Variants in STK32C observed in about 807,000 individuals in gnomAD.
The protein encoded by STK32C is serine/threonine-protein kinase 32C.
STK32C carries 31 observed loss-of-function variants against 56.5 expected under a neutral mutation model. The ratio of observed to expected loss-of-function variants is 0.55; its 90% CI spans 0.41 to 0.74. The LOEUF (loss-of-function observed/expected upper bound fraction) is 0.74. Among genes scored for constraint, STK32C ranks in the 30% least tolerant of loss-of-function variants. The pLI is 0.00. For missense variants in STK32C, 544 were observed against 676.9 expected (o/e 0.80, Z 2.18); for synonymous variants, 309 against 289.4 (o/e 1.07, Z -0.69).
intron 2 of STK32C, among the ~76,000 whole-genome samples, chr10:132,241,924 T>C (rs79182048): frequency 3.9e-5 from 6 of 151,998 alleles, no homozygotes; most frequent in Admixed American, 1.3e-4. Context: ...CTGGAGAACA[T>C]AGCGAAACCC....
chr10:132,318,140 C>T (rs1284955053), intron 1 of STK32C, among the ~76,000 whole-genome samples: 2 of 150,698 alleles, frequency 1.3e-5, no homozygotes, highest in Admixed American at 6.6e-5. Context: ...TGGTGGCAGG[C>T]GCCTGTAGTC....
At position 132,236,268 on chromosome 10, in the gene STK32C, C is replaced by A. The variant is rs1158817883; in HGVS notation, c.319-8140G>T. ...GACGTGGTCAATGCTGGGACCTGGG[C>A]TCTGGGCCCACGCGGAGGCCCGACT... On this transcript the variant is annotated intron_variant, in intron 2 of 11. Transcript: ENST00000298630. Among the ~76,000 whole-genome samples the A allele has an allele frequency of 2.0e-5, 3 of 152,260 alleles. No individual in the cohort carries two copies. In the East Asian group the frequency reaches 5.8e-4, roughly 29 times the overall value.
At chr10:132,231,884 T>TCCTCCCACGGAGCCGCCCAGAGGGC in intron 2 of STK32C, among the ~76,000 whole-genome samples, 1 of 152,236 alleles carries the variant, frequency 6.6e-6, no homozygotes, top group South Asian at 2.1e-4. Flanking sequence ...GCACAGCGGG[T>TCCTCCCACGGAGCCGCCCAGAGGGC]CCTCCCACGG....
chr10:132,308,015 AGGGGCG>A, upstream of STK32C: 1 of 43,980 alleles, frequency 2.3e-5, no homozygotes, highest in Non-Finnish European at 3.1e-5. Context: ...GGCTTCTGGA[AGGGGCG>A]GGGGCGGGGC....
intron 10 of STK32C, among the ~76,000 whole-genome samples, chr10:132,215,429 T>C (rs2062439654): frequency 6.6e-6 from 1 of 152,062 alleles, no homozygotes; most frequent in African/African-American, 2.4e-5. Context: ...GATTGAATTA[T>C]GGGGGCGGGT....
chr10:132,257,505 A>AC (rs1046415542), intron 1 of STK32C, among the ~76,000 whole-genome samples: 1 of 137,726 alleles, frequency 7.3e-6, no homozygotes, highest in Admixed American at 7.0e-5. Context: ...GGAGCATCAC[A>AC]CCCCCCAGCC....
chr10:132,234,928 A>G (rs1276508343), intron 2 of STK32C, among the ~76,000 whole-genome samples: 1 of 152,248 alleles, frequency 6.6e-6, no homozygotes, highest in Non-Finnish European at 1.5e-5. Context: ...TGTGGCTGTG[A>G]AGGGACCTAG....
intron 7 of STK32C, 34 bp downstream of exon 7, chr10:132,225,199 G>A (rs747937509): frequency 5.2e-6 from 8 of 1,544,864 alleles, no homozygotes; most frequent in Middle Eastern, 1.7e-4. Flanking sequence ...CAGGGGCCTG[G>A]CAGCCAAGCC....
upstream of STK32C, among the ~76,000 whole-genome samples, chr10:132,311,145 TG>T (rs1747973838): frequency 6.6e-6 from 1 of 152,216 alleles, no homozygotes; most frequent in Non-Finnish European, 1.5e-5. This position sits in a 1 kb window ranked among gnomAD's most constrained non-coding sequence, Gnocchi z 4.4. Flanking sequence ...GCCACATAAT[TG>T]GCACACAGCT....
chr10:132,278,749 G>A (rs1222472579), intron 1 of STK32C, among the ~76,000 whole-genome samples: 2 of 124,368 alleles, frequency 1.6e-5, no homozygotes, highest in African/African-American at 6.4e-5. Context: ...GACAGAGCGA[G>A]ACTGTCTCAA....
intron 2 of STK32C, among the ~76,000 whole-genome samples, chr10:132,236,698 G>A (rs1044443760): frequency 6.6e-6 from 1 of 152,204 alleles, no homozygotes; most frequent in South Asian, 2.1e-4. Flanking sequence ...CCAGCCGGCA[G>A]CCAGAGATAG....
At position 132,262,073 on chromosome 10, in the gene STK32C, A is replaced by G. The variant is rs191084584; in HGVS notation, c.263-16118T>C. 1.3e-4 allele frequency among the ~76,000 whole-genome samples: 20 copies of G among 152,372 alleles called. No individual in the cohort carries two copies. The East Asian group carries it at 2.9e-3, about 22-fold the overall frequency. The stretch of plus-strand genomic sequence containing the variant: ...ACAGGGCCAAAGTAACCAAAACAGC[A>G]TGGCACTGGTACAAAAACAGACACA... On this transcript the variant is annotated intron_variant, in intron 1 of 11. Transcript: ENST00000298630.
chr10:132,226,976 C>A lies in STK32C; in HGVS notation c.471-8G>T. On this transcript the variant is annotated splice_region_variant and splice_polypyrimidine_tract_variant and intron_variant, in intron 3 of 11. Transcript: ENST00000298630. ...TCGTCCTGGAAGGAGTACCTGTGGG[C>A]ACCGATGGAAGGCCTGTTGTGCGCA... The A allele has an allele frequency of 6.2e-7, 1 of 1,612,920 alleles. No homozygotes were observed. The highest frequency in any genetic ancestry group is 8.5e-7 in the Non-Finnish European group (1 of 1,179,870).
chr10:132,242,308 T>G, intron 2 of STK32C, among the ~76,000 whole-genome samples: 1 of 150,688 alleles, frequency 6.6e-6, no homozygotes, highest in South Asian at 2.1e-4. Flanking sequence ...ACGGGACGAG[T>G]GGGGGGAGTG....
At chr10:132,209,334 G>A (rs767875780) in intron 10 of STK32C, 23 of 709,950 alleles carry the variant, frequency 3.2e-5, no homozygotes, top group Admixed American at 2.7e-4. Flanking sequence ...CCTTGCCTCT[G>A]GGTGGATGGC....
At chr10:132,303,760 A>C (rs2065977189) in intron 1 of STK32C, among the ~76,000 whole-genome samples, 1 of 152,264 alleles carries the variant, frequency 6.6e-6, no homozygotes, top group Non-Finnish European at 1.5e-5. Flanking sequence ...CAAAGAATAG[A>C]AACATTGCTG....
chr10:132,245,909 G>A lies in STK32C; in HGVS notation c.309C>T (p.Ser103=). ...CCAGGCCCTGCCTTACCTTGCCAAA[G>A]CTGCCCTTCCCAATGGCCCGAAGGA... The part of the protein sequence containing the change: ...FQILRAIGKG[S]FGKVCIVQKR... Residue 103 remains serine (S), a synonymous_variant, in exon 2 of 12, where the codon AGC becomes AGT. Coordinates refer to ENST00000298630, the MANE Select transcript of STK32C (RefSeq NM_173575.4). 1 of 1,613,206 alleles carries A rather than the reference G, an allele frequency of 6.2e-7. No homozygotes were observed. Among genetic ancestry groups the A allele is most frequent in the African/African-American group, 1.3e-5 (1 of 75,048 alleles).
At chr10:132,209,288 G>C in intron 10 of STK32C, 187 bp from the exon 11 acceptor site, 1 of 709,994 alleles carries the variant, frequency 1.4e-6, no homozygotes. Flanking sequence ...CTCTGCGGGT[G>C]ACTCACCCAA....
chr10:132,331,936 A>C (rs55712186), upstream of STK32C: 73,821 of 365,650 alleles, frequency 0.2, 6,142 homozygotes, highest in East Asian at 0.42. Context: ...CGCAAGCGCA[A>C]CCCCCCGCCC....
Sources: gnomAD v4.1 joint callset for allele counts (sites outside exome capture counted in the v4.1 genomes callset) on GRCh38, gnomAD v4.1.1 for gene constraint, Gnocchi (gnomAD v3.1) non-coding constraint, MANE v1.5 for transcripts, NCBI Gene and HGNC (gene_info 2026-07-23, HGNC 2026-07-21) for gene names.